The following PTPRD variants were observed in gnomAD, a reference collection of about 807,000 sequenced individuals.
The protein encoded by PTPRD is receptor-type tyrosine-protein phosphatase delta.
A neutral mutation model predicts 214.5 loss-of-function variants in PTPRD; 34 were observed. The observed-to-expected ratio is 0.16, with a 90% CI of 0.12 to 0.21. PTPRD has a LOEUF of 0.21. PTPRD is among the 10% of genes least tolerant of loss of function. PTPRD has a pLI of 1.00. For synonymous variants in PTPRD, 1,128 were observed against 845.7 expected, an observed-to-expected ratio of 1.33 and a Z score of -5.79; for missense variants, 2,545 against 2,398.7, an observed-to-expected ratio of 1.06 and a Z score of -1.27.
chr9:9,402,294 G>A (rs965535617), intron 8 of PTPRD, among the ~76,000 whole-genome samples: 1 of 152,106 alleles, frequency 6.6e-6, no homozygotes, highest in Non-Finnish European at 1.5e-5. Context: ...GATGTTCCCT[G>A]CAACATTTGT....
intron 11 of PTPRD, among the ~76,000 whole-genome samples, chr9:8,795,387 C>T (rs143711945): frequency 3.0e-4 from 46 of 152,154 alleles, no homozygotes; most frequent in Non-Finnish European, 4.4e-4. Flanking sequence ...ATGCTGATCT[C>T]GAACTCCTGA....
At chr9:9,285,296 C>T (rs965435776) in intron 9 of PTPRD, among the ~76,000 whole-genome samples, 1 of 151,716 alleles carries the variant, frequency 6.6e-6, no homozygotes, top group African/African-American at 2.4e-5. Context: ...ACCATACCTG[C>T]CTCACACATT....
At chr9:10,367,288 G>A (rs1043039936) in intron 2 of PTPRD, among the ~76,000 whole-genome samples, 6 of 152,074 alleles carry the variant, frequency 3.9e-5, no homozygotes, top group South Asian at 2.1e-4. Context: ...AAAGGGTAAC[G>A]AAGAAATCCT....
chr9:9,384,591 A>C (rs1367977260), intron 9 of PTPRD, among the ~76,000 whole-genome samples: 2 of 151,640 alleles, frequency 1.3e-5, no homozygotes, highest in Non-Finnish European at 2.9e-5. Context: ...CCAACTCCTA[A>C]AAAATAAATA....
intron 2 of PTPRD, among the ~76,000 whole-genome samples, chr9:10,594,050 C>G (rs1591639564): frequency 1.3e-5 from 2 of 151,882 alleles, no homozygotes; most frequent in East Asian, 3.9e-4. Flanking sequence ...AATAACTAAA[C>G]TTTTTGTGTT....
chr9:9,635,444 G>A (rs1334246841), intron 7 of PTPRD, among the ~76,000 whole-genome samples: 1 of 152,106 alleles, frequency 6.6e-6, no homozygotes, highest in Non-Finnish European at 1.5e-5. Flanking sequence ...AACAGCTTCT[G>A]GCTGGACACT....
At chr9:8,962,577 C>T (rs2099164737) in intron 11 of PTPRD, among the ~76,000 whole-genome samples, 1 of 151,838 alleles carries the variant, frequency 6.6e-6, no homozygotes, top group African/African-American at 2.4e-5. Context: ...CTTAGGACAT[C>T]ATTTAAGCTT....
intron 12 of PTPRD, among the ~76,000 whole-genome samples, chr9:8,712,268 A>G (rs2098353338): frequency 6.6e-6 from 1 of 152,222 alleles, no homozygotes; most frequent in Admixed American, 6.5e-5. Context: ...AAGAGTAAAG[A>G]CAGCCTGTAT....
intron 4 of PTPRD, among the ~76,000 whole-genome samples, chr9:9,995,744 G>C (rs921803516): frequency 6.6e-6 from 1 of 151,962 alleles, no homozygotes; most frequent in African/African-American, 2.4e-5. Context: ...TTTCTTGTTG[G>C]GACCCTGTCA....
chr9:10,007,607 T>A (rs1466514805), intron 4 of PTPRD, among the ~76,000 whole-genome samples: 1 of 151,928 alleles, frequency 6.6e-6, no homozygotes, highest in Non-Finnish European at 1.5e-5. Context: ...TTCAACAGTG[T>A]TTATCTCTTC....
At chr9:9,906,612 T>C (rs1242523130) in intron 5 of PTPRD, among the ~76,000 whole-genome samples, 2 of 151,964 alleles carry the variant, frequency 1.3e-5, no homozygotes, top group Admixed American at 6.6e-5. Flanking sequence ...ACTTAAATAA[T>C]TCCAAAGAGA....
At position 10,003,251 on chromosome 9, in the gene PTPRD, G is replaced by A. The variant is rs76789602; in HGVS notation, c.-472+30467C>T. Among the ~76,000 whole-genome samples the A allele has an allele frequency of 2.5e-3, 380 of 151,768 alleles. 2 individuals are homozygous for A. Among genetic ancestry groups the A allele is most frequent in the African/African-American group, 5.8e-3 (241 of 41,526 alleles). On this transcript the variant is annotated intron_variant, in intron 4 of 45. Coordinates refer to ENST00000381196, the MANE Select transcript of PTPRD (RefSeq NM_002839.4). ...TATATGCCTAGAATACTGGATCTATGGAGATGATGAGGAATGAGGAAGTGA... is the reference window on the plus strand; with the variant it reads ...TATATGCCTAGAATACTGGATCTATAGAGATGATGAGGAATGAGGAAGTGA...
At chr9:9,996,662 G>A (rs1398208442) in intron 4 of PTPRD, among the ~76,000 whole-genome samples, 1 of 152,162 alleles carries the variant, frequency 6.6e-6, no homozygotes. Context: ...TTCTGCAAAG[G>A]TTGGGAGACC....
At position 9,843,360 on chromosome 9, in the gene PTPRD, T is replaced by C. The variant is rs193229487; in HGVS notation, c.-367-76509A>G. ...GGTGCAAATGTATCACATTTTTTTT[T>C]AGCCATAAATGCTAAGCACACTTTC... is the stretch of plus-strand genomic sequence containing the variant. On this transcript the variant is annotated intron_variant, in intron 5 of 45. Coordinates refer to ENST00000381196, the MANE Select transcript of PTPRD (RefSeq NM_002839.4). Among the ~76,000 whole-genome samples, 401 of 152,208 alleles carry C rather than the reference T, an allele frequency of 2.6e-3. 1 individual carries two copies. The highest frequency in any genetic ancestry group is 3.4e-3 in the Non-Finnish European group (231 of 67,954).
At chr9:9,475,191 C>T (rs565406451) in intron 8 of PTPRD, among the ~76,000 whole-genome samples, 2 of 152,276 alleles carry the variant, frequency 1.3e-5, no homozygotes, top group East Asian at 3.9e-4. Flanking sequence ...TTCTCAACAT[C>T]CACAGCAAAT....
chr9:9,084,207 G>A (rs895056857), intron 10 of PTPRD, among the ~76,000 whole-genome samples: 1 of 152,148 alleles, frequency 6.6e-6, no homozygotes, highest in Non-Finnish European at 1.5e-5. Flanking sequence ...TTACACCATG[G>A]AATACTATGC....
chr9:10,259,265 C>G (rs979896329), intron 3 of PTPRD, among the ~76,000 whole-genome samples: 7 of 152,096 alleles, frequency 4.6e-5, no homozygotes, highest in Non-Finnish European at 8.8e-5. Flanking sequence ...ACCTCGTGAT[C>G]AGCCCGCCTC....
At chr9:8,778,697 G>C (rs1423579182) in intron 11 of PTPRD, among the ~76,000 whole-genome samples, 3 of 152,160 alleles carry the variant, frequency 2.0e-5, no homozygotes, top group African/African-American at 7.2e-5. Flanking sequence ...GATCTGCTTA[G>C]AAAGATCAGT....
chr9:10,154,161 C>G (rs1011202494), intron 3 of PTPRD, among the ~76,000 whole-genome samples: 1 of 152,102 alleles, frequency 6.6e-6, no homozygotes, highest in Non-Finnish European at 1.5e-5. Flanking sequence ...TAACTATAGC[C>G]ATTCTGACTG....
Sources: allele counts gnomAD v4.1 joint callset (sites outside exome capture counted in the v4.1 genomes callset), GRCh38; gene constraint gnomAD v4.1.1; transcripts MANE v1.5; gene names NCBI Gene and HGNC (gene_info 2026-07-23, HGNC 2026-07-21).